KCNQ1: variants seen among roughly 807,000 people sequenced by gnomAD.
The protein encoded by KCNQ1 is potassium voltage-gated channel subfamily KQT member 1.
Under a neutral mutation model 72.4 loss-of-function variants are expected in KCNQ1, and 49 were observed. The observed-to-expected ratio is 0.68, with a 90% confidence interval of 0.54 to 0.86. KCNQ1 has a LOEUF of 0.86. Ranked by LOEUF, KCNQ1 falls within the 40% of genes least tolerant of loss-of-function variation. The pLI, the probability that KCNQ1 is intolerant of heterozygous loss-of-function variation, is 0.00. For synonymous variants in KCNQ1, 450 were observed against 412.6 expected, an observed-to-expected ratio of 1.09 and a Z score of -1.10; for missense variants, 790 against 945.1, an observed-to-expected ratio of 0.84 and a Z score of 2.15.
intron 1 of KCNQ1, among the ~76,000 whole-genome samples, chr11:2,465,584 C>T (rs1342965721): frequency 1.3e-5 from 2 of 152,208 alleles, no homozygotes; most frequent in Non-Finnish European, 2.9e-5. Context: ...GCCCCTGCCC[C>T]GTGCTGGCCC....
chr11:2,663,686 A>G lies in KCNQ1; in HGVS notation c.1514+1605A>G. On this transcript the variant is annotated intron_variant, in intron 11 of 15. Coordinates refer to ENST00000155840, the MANE Select transcript of KCNQ1 (RefSeq NM_000218.3). The surrounding 1 kb of genome is among the most constrained non-coding windows in gnomAD (Gnocchi z 5.2). ...TCACCCACAGTCCATCTAGCTGGGC[A>G]GCCAGGCCTTACCAACTCTTGGGTC... The G allele has an allele frequency of 2.5e-6, 1 of 398,730 alleles. No individual in the cohort carries two copies. The highest frequency in any genetic ancestry group is 4.4e-6 in the Non-Finnish European group (1 of 226,104). 24.7% of individuals were successfully genotyped at this position (398,730 alleles called of 1,614,324 possible).
intron 10 of KCNQ1, among the ~76,000 whole-genome samples, chr11:2,604,770 C>G (rs543672306): frequency 1.3e-5 from 2 of 152,100 alleles, no homozygotes; most frequent in African/African-American, 4.8e-5. Context: ...GTCTCGATCT[C>G]CTGACCTCGT....
chr11:2,733,818 T>A (rs71476687), intron 11 of KCNQ1, among the ~76,000 whole-genome samples: 1,461 of 20,712 alleles, frequency 0.071, 11 homozygotes, highest in Middle Eastern at 0.14. Context: ...ACACACACTC[T>A]CTCACTCTCT....
chr11:2,741,509 G>C (rs1564878172), intron 11 of KCNQ1, among the ~76,000 whole-genome samples: 1 of 152,126 alleles, frequency 6.6e-6, no homozygotes. Context: ...CTGTGCCCCT[G>C]TTTATCCCTT....
chr11:2,622,364 C>T, intron 10 of KCNQ1: 1 of 398,132 alleles, frequency 2.5e-6, no homozygotes. Flanking sequence ...GTATAATTAC[C>T]TCCAGCTTTC....
intron 1 of KCNQ1, among the ~76,000 whole-genome samples, chr11:2,519,144 C>T (rs1847336157): frequency 6.6e-6 from 1 of 152,192 alleles, no homozygotes; most frequent in South Asian, 2.1e-4. Flanking sequence ...AGTGGCGGTC[C>T]CTGAAGGGCT....
rs1850331130 is a variant in KCNQ1 at position 2,678,467 on chromosome 11, C to T, written c.1514+16386C>T. ...TACTAATTTCAACTGCTACCTTTAT[C>T]ATATTTCAAACTCTCATTTAATTTG... On this transcript the variant is annotated intron_variant, in intron 11 of 15. Coordinates refer to ENST00000155840, the MANE Select transcript of KCNQ1 (RefSeq NM_000218.3). The surrounding 1 kb of genome is among the most constrained non-coding windows in gnomAD (Gnocchi z 4.9). The T allele has an allele frequency of 2.5e-6, 1 of 398,466 alleles. No homozygotes were observed. The highest frequency in any genetic ancestry group is 2.1e-5 in the African/African-American group (1 of 48,612). 24.7% of individuals were successfully genotyped at this position (398,466 alleles called of 1,614,324 possible).
At position 2,653,916 on chromosome 11, in the gene KCNQ1, C is replaced by G; in HGVS notation, c.1394-8045C>G. The G allele has an allele frequency of 2.5e-5, 10 of 398,740 alleles. No individual in the cohort carries two copies. The highest frequency in any genetic ancestry group is 4.4e-5 in the Non-Finnish European group (10 of 226,158). 24.7% of individuals were successfully genotyped at this position (398,740 alleles called of 1,614,324 possible). A position where few individuals can be genotyped will look rare whatever the true frequency, so the allele number is the denominator to read the frequency against. On this transcript the variant is annotated intron_variant, in intron 10 of 15. Coordinates refer to ENST00000155840, the MANE Select transcript of KCNQ1 (RefSeq NM_000218.3). This position sits in a 1 kb window ranked among gnomAD's most constrained non-coding sequence, Gnocchi z 5.3. ...TAAGGAAGATTTGAGAAGCTGTTCC[C>G]AGAAGCCAGGCCTGGCTGCTGGCAG...
chr11:2,583,317 G>C (rs912895360), intron 6 of KCNQ1, 118 bp from the exon 7 acceptor site: 1 of 773,386 alleles, frequency 1.3e-6, no homozygotes, highest in African/African-American at 1.7e-5. Context: ...GGTCGTCCTG[G>C]TGGTCAGGGT....
chr11:2,846,322 C>T (rs1206238782), intron 15 of KCNQ1, among the ~76,000 whole-genome samples: 3 of 152,204 alleles, frequency 2.0e-5, no homozygotes, highest in Non-Finnish European at 2.9e-5. Flanking sequence ...CTCTGCTGTT[C>T]AGCCCTTATC....
rs2133855380 is a variant in KCNQ1 at position 2,661,591 on chromosome 11, C to T, written c.1394-370C>T. On this transcript the variant is annotated intron_variant, in intron 10 of 15. Transcript: ENST00000155840. This position sits in a 1 kb window ranked among gnomAD's most constrained non-coding sequence, Gnocchi z 5.9. Reference sequence around the variant, plus strand: ...ATGTATGGTGGTGGGAGCTGTTGTCCCTTACCAGGCCTGTGCCTGTCACCT... The same window carrying T: ...ATGTATGGTGGTGGGAGCTGTTGTCTCTTACCAGGCCTGTGCCTGTCACCT... 1 of 563,472 alleles carries T rather than the reference C, an allele frequency of 1.8e-6. No homozygotes were observed. Among genetic ancestry groups the T allele is most frequent in the Non-Finnish European group, 3.2e-6 (1 of 317,000 alleles). The allele number at this position is 563,472 out of a possible 1,614,324, so 34.9% of individuals were successfully genotyped here.
chr11:2,512,225 C>T (rs888089886), intron 1 of KCNQ1, among the ~76,000 whole-genome samples: 1 of 152,226 alleles, frequency 6.6e-6, no homozygotes, highest in Non-Finnish European at 1.5e-5. Context: ...ACCGCACATG[C>T]TCAGCCTTCC....
chr11:2,640,452 ACTT>A (rs1415784398), intron 10 of KCNQ1: 1 of 398,376 alleles, frequency 2.5e-6, no homozygotes, highest in Non-Finnish European at 4.4e-6. Context: ...TGCCTGGATA[ACTT>A]CTTAATTTTT....
At chr11:2,833,785 G>T (rs935653706) in intron 15 of KCNQ1, among the ~76,000 whole-genome samples, 1 of 152,254 alleles carries the variant, frequency 6.6e-6, no homozygotes, top group Admixed American at 6.5e-5. Flanking sequence ...ACAACAGTGG[G>T]GAAGGTGGGA....
intron 11 of KCNQ1, among the ~76,000 whole-genome samples, chr11:2,751,480 C>T (rs1438539965): frequency 1.3e-5 from 2 of 152,362 alleles, no homozygotes; most frequent in East Asian, 1.9e-4. Context: ...TCTCCTGACG[C>T]GGGGACTTGC....
At chr11:2,455,382 C>A (rs1398145904) in intron 1 of KCNQ1, among the ~76,000 whole-genome samples, 1 of 152,188 alleles carries the variant, frequency 6.6e-6, no homozygotes, top group Non-Finnish European at 1.5e-5. Context: ...CAGGCTTGAG[C>A]CACCGTGCCT....
intron 2 of KCNQ1, among the ~76,000 whole-genome samples, chr11:2,532,003 A>G (rs962387668): frequency 6.6e-6 from 1 of 152,194 alleles, no homozygotes. Flanking sequence ...CTCCAGGCCA[A>G]GCCTTGGACA....
chr11:2,696,105 T>C, intron 11 of KCNQ1: 2 of 398,680 alleles, frequency 5.0e-6, no homozygotes, highest in Non-Finnish European at 8.8e-6. Flanking sequence ...AAATCCTTAA[T>C]CCATAATCAT....
chr11:2,540,412 C>G (rs1038507071), intron 2 of KCNQ1, among the ~76,000 whole-genome samples: 3 of 152,220 alleles, frequency 2.0e-5, no homozygotes, highest in African/African-American at 4.8e-5. Context: ...TCGAGCACCT[C>G]GGATCCCAGC....
Sources: gnomAD v4.1 joint callset for allele counts (sites outside exome capture counted in the v4.1 genomes callset) on GRCh38, gnomAD v4.1.1 for gene constraint, Gnocchi (gnomAD v3.1) non-coding constraint, MANE v1.5 for transcripts, NCBI Gene and HGNC (gene_info 2026-07-23, HGNC 2026-07-21) for gene names.